ZDHHC14: variants seen among roughly 807,000 people sequenced by gnomAD.
ZDHHC14 encodes the protein palmitoyltransferase ZDHHC14.
ZDHHC14 carries 16 observed loss-of-function variants against 47.7 expected under a neutral mutation model. The ratio of observed to expected loss-of-function variants is 0.34; its 90% CI spans 0.23 to 0.51. The LOEUF (loss-of-function observed/expected upper bound fraction) is 0.51, where lower values mean the gene tolerates loss of function less well. ZDHHC14 is among the 20% of genes least tolerant of loss of function. The pLI is 0.97. For missense variants in ZDHHC14, 515 were observed against 662.5 expected (o/e 0.78, Z 2.44); for synonymous variants, 293 against 278.9 (o/e 1.05, Z -0.50).
intron 5 of ZDHHC14, among the ~76,000 whole-genome samples, chr6:157,636,105 G>A (rs946340953): frequency 4.6e-5 from 7 of 152,018 alleles, no homozygotes; most frequent in Non-Finnish European, 7.4e-5. Flanking sequence ...GGCCACACCC[G>A]CACCTCCAGC....
intron 1 of ZDHHC14, among the ~76,000 whole-genome samples, chr6:157,408,275 G>C (rs914335985): frequency 3.3e-5 from 5 of 152,120 alleles, no homozygotes. Context: ...GATCTTCAGA[G>C]ACCCAAGCTC....
At chr6:157,542,844 G>A (rs754617840) in intron 2 of ZDHHC14, 99 bp downstream of exon 2, 30 of 1,423,706 alleles carry the variant, frequency 2.1e-5, no homozygotes, top group East Asian at 1.5e-4. Flanking sequence ...GGAGCTGAGC[G>A]CTGGGAAGGA....
intron 3 of ZDHHC14, among the ~76,000 whole-genome samples, chr6:157,626,890 T>TGGGGGGG (rs113464326): frequency 4.4e-5 from 6 of 135,282 alleles, no homozygotes; most frequent in Non-Finnish European, 8.1e-5. Context: ...CTTTTCCAGC[T>TGGGGGGG]GGGGGGGGGG....
rs560387926 is a variant in ZDHHC14 at position 157,654,543 on chromosome 6, G to C, written c.1068+916G>C. ...TAGACTGGACGTGGGCAGCAGCCCA[G>C]AACACCTTGCTTCTGGGTGCAAAGA... is the stretch of plus-strand genomic sequence containing the variant. On this transcript the variant is annotated intron_variant, in intron 8 of 8. Transcript: ENST00000359775. Among the ~76,000 whole-genome samples the C allele has an allele frequency of 2.6e-4, 39 of 152,196 alleles. 1 individual carries two copies. The highest frequency in any genetic ancestry group is 7.7e-4 in the African/African-American group (32 of 41,532).
At chr6:157,456,417 C>G (rs1778919043) in intron 1 of ZDHHC14, among the ~76,000 whole-genome samples, 1 of 152,176 alleles carries the variant, frequency 6.6e-6, no homozygotes, top group South Asian at 2.1e-4. Context: ...CAGGCTCTCC[C>G]TAGTCATAAG....
intron 1 of ZDHHC14, among the ~76,000 whole-genome samples, chr6:157,493,809 C>T (rs1461309973): frequency 6.6e-6 from 1 of 152,266 alleles, no homozygotes; most frequent in East Asian, 1.9e-4. Flanking sequence ...ACAGGTGACA[C>T]AATCCCCGCC....
At chr6:157,598,249 G>A (rs976161533) in intron 3 of ZDHHC14, among the ~76,000 whole-genome samples, 2 of 152,196 alleles carry the variant, frequency 1.3e-5, no homozygotes, top group African/African-American at 4.8e-5. Context: ...TTAGCACTTG[G>A]GAATGCCTTT....
chr6:157,400,897 G>A (rs1777622401), intron 1 of ZDHHC14, among the ~76,000 whole-genome samples: 1 of 152,168 alleles, frequency 6.6e-6, no homozygotes, highest in African/African-American at 2.4e-5. Flanking sequence ...CCCCTGGCCT[G>A]TGCACTCACC....
chr6:157,578,702 G>A (rs1433599875), intron 2 of ZDHHC14, among the ~76,000 whole-genome samples: 1 of 152,174 alleles, frequency 6.6e-6, no homozygotes, highest in African/African-American at 2.4e-5. Context: ...TGAGTCTCAC[G>A]AGATCTGATG....
chr6:157,382,288 C>T, intron 1 of ZDHHC14, 22 bp downstream of exon 1: 1 of 1,609,994 alleles, frequency 6.2e-7, no homozygotes, highest in Non-Finnish European at 8.5e-7. Flanking sequence ...CGACCGCTCC[C>T]CCGACGCCGC....
intron 3 of ZDHHC14, among the ~76,000 whole-genome samples, chr6:157,621,214 A>G (rs1785173695): frequency 6.6e-6 from 1 of 152,196 alleles, no homozygotes; most frequent in Non-Finnish European, 1.5e-5. Flanking sequence ...TTCCTATTGC[A>G]TAATTTTATG....
At chr6:157,416,548 G>T (rs1307365631) in intron 1 of ZDHHC14, among the ~76,000 whole-genome samples, 1 of 151,422 alleles carries the variant, frequency 6.6e-6, no homozygotes, top group Non-Finnish European at 1.5e-5. Flanking sequence ...ACATACCTGT[G>T]GTCCCAGCTG....
At chr6:157,522,648 A>G (rs1780965801) in intron 1 of ZDHHC14, among the ~76,000 whole-genome samples, 1 of 151,814 alleles carries the variant, frequency 6.6e-6, no homozygotes, top group Non-Finnish European at 1.5e-5. Context: ...TATTAATAAT[A>G]TAAGAATTGA....
chr6:157,588,999 A>G (rs925399012), intron 2 of ZDHHC14, among the ~76,000 whole-genome samples: 4 of 152,124 alleles, frequency 2.6e-5, no homozygotes, highest in Non-Finnish European at 5.9e-5. Context: ...CTATTTTCAC[A>G]TTGCTATAAA....
chr6:157,406,226 T>G (rs1777759004), intron 1 of ZDHHC14, among the ~76,000 whole-genome samples: 1 of 152,196 alleles, frequency 6.6e-6, no homozygotes, highest in African/African-American at 2.4e-5. Flanking sequence ...CTTGGAATCC[T>G]GGAGGACCGG....
At chr6:157,532,740 A>G (rs1301222949) in intron 1 of ZDHHC14, among the ~76,000 whole-genome samples, 2 of 152,238 alleles carry the variant, frequency 1.3e-5, no homozygotes, top group African/African-American at 4.8e-5. Flanking sequence ...CATACCCCAA[A>G]ACAATTAGAC....
intron 7 of ZDHHC14, among the ~76,000 whole-genome samples, chr6:157,652,731 G>C (rs1777897476): frequency 1.3e-5 from 2 of 152,210 alleles, no homozygotes. Context: ...TACAGATATT[G>C]AGACGGCCTG....
chr6:157,575,733 TAC>T (rs1352574256), intron 2 of ZDHHC14, among the ~76,000 whole-genome samples: 2 of 152,264 alleles, frequency 1.3e-5, no homozygotes, highest in African/African-American at 4.8e-5. Flanking sequence ...AACTAAAACA[TAC>T]ACAGTGTGCA....
intron 1 of ZDHHC14, among the ~76,000 whole-genome samples, chr6:157,456,723 GA>G (rs543538541): frequency 2.0e-4 from 30 of 152,268 alleles, no homozygotes; most frequent in African/African-American, 7.2e-4. Context: ...ACCAAGGGAG[GA>G]GGAGATTGAA....
Sources: allele counts gnomAD v4.1 joint callset (sites outside exome capture counted in the v4.1 genomes callset), GRCh38; gene constraint gnomAD v4.1.1; transcripts MANE v1.5; gene names NCBI Gene and HGNC (gene_info 2026-07-23, HGNC 2026-07-21).